The following KIAA1755 variants were observed in gnomAD, a reference collection of about 807,000 sequenced individuals.
KIAA1755 encodes KIAA1755, also known as uncharacterized protein KIAA1755.
A neutral mutation model predicts 91.7 loss-of-function variants in KIAA1755; 68 were observed. The ratio of observed to expected loss-of-function variants is 0.74; its 90% CI spans 0.61 to 0.91. KIAA1755 has a LOEUF of 0.91. Among genes scored for constraint, KIAA1755 ranks in the 40% least tolerant of loss-of-function variants. KIAA1755 has a pLI of 0.00. For synonymous variants in KIAA1755, 610 were observed against 604.6 expected, an observed-to-expected ratio of 1.01 and a Z score of -0.13; for missense variants, 1,535 against 1,494.4, an observed-to-expected ratio of 1.03 and a Z score of -0.45.
intron 1 of KIAA1755, 168 bp downstream of exon 1, chr20:38,260,330 C>G (rs1261619671): frequency 6.4e-7 from 1 of 1,560,192 alleles, no homozygotes; most frequent in Non-Finnish European, 8.7e-7. Context: ...GGCTCCTGCC[C>G]TTGAACCCCT....
chr20:38,217,242 G>A lies in KIAA1755; in HGVS notation c.2901+11C>T, dbSNP rs756391172. 5.2e-5 allele frequency: 82 copies of A among 1,584,400 alleles called. 1 individual carries two copies. In the Middle Eastern group the frequency reaches 3.2e-3, roughly 62 times the overall value. ...CGGGGGGTATCTGTGCAGGTGGGCC[G>A]CGGGGCTCACCCTCTTGCAGAAGCG... is the stretch of plus-strand genomic sequence containing the variant. On this transcript the variant is annotated intron_variant, in intron 13 of 13. Transcript: ENST00000279024.
chr20:38,216,915 A>C, intron 13 of KIAA1755: 1 of 541,084 alleles, frequency 1.8e-6, no homozygotes, highest in Non-Finnish European at 3.5e-6. Flanking sequence ...CTCTTTGGGG[A>C]AGCATATAAG....
chr20:38,214,897 G>A (rs1447285808), intron 13 of KIAA1755, among the ~76,000 whole-genome samples: 5 of 152,244 alleles, frequency 3.3e-5, no homozygotes, highest in African/African-American at 9.6e-5. Context: ...CATTTTCTCC[G>A]AAGAGACCAT....
At chr20:38,248,345 T>C (rs1424774369) in intron 1 of KIAA1755, among the ~76,000 whole-genome samples, 2 of 152,182 alleles carry the variant, frequency 1.3e-5, no homozygotes, top group Admixed American at 1.3e-4. Flanking sequence ...TCCTAGAAGC[T>C]GGAGAAGGCA....
At position 38,246,067 on chromosome 20, in the gene KIAA1755, G is replaced by C. The variant is rs773620104; in HGVS notation, c.63C>G (p.Phe21Leu). The change falls in exon 2 of 14, where the codon TTC (phenylalanine) becomes TTG (leucine). Residue 21 changes from phenylalanine (F) to leucine (L), a missense_variant. Phe to Leu is a conservative substitution (Grantham distance 22). Coordinates refer to ENST00000279024, the MANE Select transcript of KIAA1755 (RefSeq NM_001029864.2). ...QHALAGLYPP[F>L]EATAPTVLGQ... ...CCAGGACGGTGGGTGCTGTGGCCTC[G>C]AAAGGAGGATAGAGGCCCGCCAGGG... The C allele has an allele frequency of 6.8e-6, 11 of 1,613,970 alleles. No individual in the cohort carries two copies. Among genetic ancestry groups the C allele is most frequent in the Non-Finnish European group, 9.3e-6 (11 of 1,180,010 alleles).
chr20:38,227,684 C>T (rs142218024), intron 6 of KIAA1755, among the ~76,000 whole-genome samples: 2 of 152,324 alleles, frequency 1.3e-5, no homozygotes, highest in African/African-American at 4.8e-5. Flanking sequence ...TGTGGAGGGA[C>T]TCCTGAATCC....
At position 38,245,809 on chromosome 20, in the gene KIAA1755, C is replaced by A; in HGVS notation, c.201+120G>T. 9 of 885,648 alleles carry A rather than the reference C, an allele frequency of 1.0e-5. No individual in the cohort carries two copies. In the South Asian group the frequency reaches 1.4e-4, roughly 14 times the overall value. 54.9% of individuals were successfully genotyped at this position (885,648 alleles called of 1,614,324 possible). ...AGCAATGATACTTGGAAAGTCCCCCCACACCCTCAGCTCCCCGTGAAACAA... is the reference window on the plus strand; with the variant it reads ...AGCAATGATACTTGGAAAGTCCCCCAACACCCTCAGCTCCCCGTGAAACAA... On this transcript the variant is annotated intron_variant, in intron 2 of 13. Coordinates refer to ENST00000279024, the MANE Select transcript of KIAA1755 (RefSeq NM_001029864.2).
In KIAA1755 at chr20:38,231,599, G is replaced by A. The variant is rs547880640; in HGVS notation, c.1748-274C>T. On this transcript the variant is annotated intron_variant, in intron 4 of 13. Transcript: ENST00000279024. Reference sequence around the variant, plus strand: ...GCAAAGCTCATGGCATGAGCTCTGGGGTCACACAGAAAGGGGTCAAGTCTC... The same window carrying A: ...GCAAAGCTCATGGCATGAGCTCTGGAGTCACACAGAAAGGGGTCAAGTCTC... Among the ~76,000 whole-genome samples, 14 of 152,232 alleles carry A rather than the reference G, an allele frequency of 9.2e-5. No individual in the cohort carries two copies. In the South Asian group the frequency reaches 2.9e-3, roughly 32 times the overall value.
intron 5 of KIAA1755, 66 bp from the exon 6 acceptor site, chr20:38,228,306 G>T: frequency 1.6e-6 from 2 of 1,235,884 alleles, no homozygotes; most frequent in Non-Finnish European, 1.1e-6. Context: ...GGACCTAGTG[G>T]AAGGTGAGGG....
intron 1 of KIAA1755, chr20:38,260,078 C>A: frequency 1.5e-6 from 1 of 653,130 alleles, no homozygotes. Flanking sequence ...GCCTGGCTGG[C>A]CTGGGAGGGG....
chr20:38,223,665 G>A (rs1444676732), intron 8 of KIAA1755, 29 bp from the exon 9 acceptor site: 2 of 1,574,452 alleles, frequency 1.3e-6, no homozygotes, highest in Middle Eastern at 1.7e-4. Flanking sequence ...AAGGGCAGGT[G>A]TCAGCCCAGG....
At chr20:38,250,500 G>GTGTGTGTGTC (rs1555830357) in intron 1 of KIAA1755, among the ~76,000 whole-genome samples, 32 of 138,196 alleles carry the variant, frequency 2.3e-4, no homozygotes, top group Non-Finnish European at 3.8e-4. Context: ...GTGTGTGTGT[G>GTGTGTGTGTC]TGTGTGTGTG....
rs1307009570 is a variant in KIAA1755, at chr20:38,213,527, T to C, written c.3118A>G (p.Arg1040Gly). The change falls in exon 14 of 14, where the codon AGG becomes GGG. Residue 1040 changes from arginine (R) to glycine (G), a missense_variant. Coordinates refer to ENST00000279024, the MANE Select transcript of KIAA1755 (RefSeq NM_001029864.2). Reference protein sequence around the residue: ...GQELWEEARIRHEEIRMLLEK... With the variant: ...GQELWEEARIGHEEIRMLLEK... ...AGGAGCATCCGGATCTCCTCATGCC[T>C]GATCCGGGCCTCCTCCCATAGCTCC... 6.2e-7 allele frequency: 1 copy of C among 1,610,320 alleles called. No homozygotes were observed. The highest frequency in any genetic ancestry group is 8.5e-7 in the Non-Finnish European group (1 of 1,178,798).
intron 6 of KIAA1755, among the ~76,000 whole-genome samples, chr20:38,227,576 A>G (rs1258674781): frequency 6.6e-6 from 1 of 152,138 alleles, no homozygotes; most frequent in African/African-American, 2.4e-5. Flanking sequence ...ATTGCTGGAT[A>G]GGAATCTTCT....
chr20:38,247,042 CCTGGCAGTCA>C (rs2076172446), intron 1 of KIAA1755, among the ~76,000 whole-genome samples: 1 of 152,140 alleles, frequency 6.6e-6, no homozygotes. Context: ...AGCCCGTCCC[CCTGGCAGTCA>C]GAGTCCAGAA....
rs1257712254 is a variant in KIAA1755, at chr20:38,241,554, C to CAGG, written c.576_577insCCT (p.Gln192_Val193insPro). On this transcript the variant is annotated inframe_insertion, in exon 3 of 14. Coordinates refer to ENST00000279024, the MANE Select transcript of KIAA1755 (RefSeq NM_001029864.2). Reference sequence around the variant, plus strand: ...CAGGCTTGGCAGAGGGCATTCACTACTTGGGGTCTGTCATCCACAAACTCT... The same window carrying CAGG: ...CAGGCTTGGCAGAGGGCATTCACTACAGGTTGGGGTCTGTCATCCACAAACTCT... The CAGG allele has an allele frequency of 3.1e-6, 5 of 1,614,132 alleles. No homozygotes were observed. In the Admixed American group the frequency reaches 8.3e-5, roughly 27 times the overall value.
intron 13 of KIAA1755, 146 bp from the exon 14 acceptor site, chr20:38,213,889 T>G: frequency 1.8e-6 from 1 of 554,612 alleles, no homozygotes; most frequent in Non-Finnish European, 3.1e-6. Flanking sequence ...TTTCCCTCTC[T>G]TCCCTGGGGT....
chr20:38,245,873 G>T, intron 2 of KIAA1755, 56 bp downstream of exon 2: 2 of 1,554,836 alleles, frequency 1.3e-6, no homozygotes, highest in South Asian at 1.1e-5. Flanking sequence ...CCCGCCTCTA[G>T]CCCCATGACT....
In KIAA1755 at chr20:38,231,310, G is replaced by A; in HGVS notation, c.1763C>T (p.Ala588Val). ...TGACACCAGAAGCAGGGGCCGCCCGGCCCTGTCCCGGCCACCTGGAGGACA... is the reference window on the plus strand; with the variant it reads ...TGACACCAGAAGCAGGGGCCGCCCGACCCTGTCCCGGCCACCTGGAGGACA... ...IACLPGGRDR[A>V]GRPLLLVSTT... The change falls in exon 5 of 14, where the codon GCC becomes GTC. Residue 588 changes from alanine (A) to valine (V), a missense_variant. By Grantham distance (64) the Ala-to-Val change is moderately conservative. Coordinates refer to ENST00000279024, the MANE Select transcript of KIAA1755 (RefSeq NM_001029864.2). 2 of 1,609,236 alleles carry A rather than the reference G, an allele frequency of 1.2e-6. No individual in the cohort carries two copies. Among genetic ancestry groups the A allele is most frequent in the East Asian group, 2.2e-5 (1 of 44,800 alleles).
Sources: gnomAD v4.1 joint callset for allele counts (sites outside exome capture counted in the v4.1 genomes callset) on GRCh38, gnomAD v4.1.1 for gene constraint, MANE v1.5 for transcripts, NCBI Gene and HGNC (gene_info 2026-07-23, HGNC 2026-07-21) for gene names.